Variants in SYT2 observed in about 807,000 individuals in gnomAD.
SYT2 encodes synaptotagmin 2.
SYT2 carries 15 observed loss-of-function variants against 39.9 expected under a neutral mutation model. The ratio of observed to expected loss-of-function variants is 0.38; its 90% CI spans 0.25 to 0.58. SYT2 has a LOEUF of 0.58. Among genes scored for constraint, SYT2 ranks in the 20% least tolerant of loss-of-function variants. The pLI, the probability that SYT2 is intolerant of heterozygous loss-of-function variation, is 0.70. For synonymous variants in SYT2, 181 were observed against 204.5 expected (o/e 0.89, Z 0.98); for missense variants, 389 against 530.3 (o/e 0.73, Z 2.62).
intron 1 of SYT2, among the ~76,000 whole-genome samples, chr1:202,689,813 AC>A (rs888678129): frequency 6.0e-5 from 9 of 151,022 alleles, no homozygotes; most frequent in South Asian, 2.1e-4. Flanking sequence ...CAGTGTAGAC[AC>A]CCCCACAAGG....
intron 1 of SYT2, among the ~76,000 whole-genome samples, chr1:202,700,373 C>G (rs1194131811): frequency 6.6e-6 from 1 of 152,212 alleles, no homozygotes; most frequent in Non-Finnish European, 1.5e-5. Flanking sequence ...ACTAAGCATT[C>G]ACTGTGTGCC....
At chr1:202,678,328 C>T (rs1356770504) in intron 1 of SYT2, among the ~76,000 whole-genome samples, 3 of 143,962 alleles carry the variant, frequency 2.1e-5, no homozygotes, top group Non-Finnish European at 3.0e-5. Flanking sequence ...GATGCTTGTA[C>T]TTTTCTGCTC....
At chr1:202,606,238 TTAGA>T (rs1439760678) in intron 1 of SYT2, among the ~76,000 whole-genome samples, 7 of 152,124 alleles carry the variant, frequency 4.6e-5, no homozygotes, top group Non-Finnish European at 8.8e-5. Context: ...TTCAGAGAGG[TTAGA>T]TAGTTTTTCC....
In SYT2 at chr1:202,628,870, G is replaced by A. The variant is rs1280949202; in HGVS notation, c.-17-23081C>T. 6.6e-6 allele frequency among the ~76,000 whole-genome samples: 1 copy of A among 152,254 alleles called. No individual in the cohort carries two copies. The highest frequency in any genetic ancestry group is 1.5e-5 in the Non-Finnish European group (1 of 68,046). On this transcript the variant is annotated intron_variant, in intron 1 of 8. Coordinates refer to ENST00000367268, the MANE Select transcript of SYT2 (RefSeq NM_177402.5). This position sits in a 1 kb window ranked among gnomAD's most constrained non-coding sequence, Gnocchi z 4.2. ...GGCTCTGGGCAGACTGACCTGGACT[G>A]GAGTCTCGGCTCTTTTAGCCATGGG...
At chr1:202,642,417 A>G (rs1691941780) in intron 1 of SYT2, among the ~76,000 whole-genome samples, 1 of 151,642 alleles carries the variant, frequency 6.6e-6, no homozygotes, top group African/African-American at 2.4e-5. Flanking sequence ...CATCATCCTG[A>G]GATTCAGAGA....
chr1:202,708,860 C>T lies in SYT2; in HGVS notation c.-18+1398G>A, dbSNP rs532348569. Among the ~76,000 whole-genome samples the T allele has an allele frequency of 5.3e-5, 8 of 152,328 alleles. No individual in the cohort carries two copies. The South Asian group carries it at 1.4e-3, about 28-fold the overall frequency. On this transcript the variant is annotated intron_variant, in intron 1 of 8. Coordinates refer to ENST00000367268, the MANE Select transcript of SYT2 (RefSeq NM_177402.5). ...CTGGTCACAGAGATGTTTCTAGCAG[C>T]CCCAAAGCTGGACTTAGTCTTAAGT...
chr1:202,671,762 C>T (rs1692593483), intron 1 of SYT2, among the ~76,000 whole-genome samples: 1 of 152,250 alleles, frequency 6.6e-6, no homozygotes, highest in Non-Finnish European at 1.5e-5. Context: ...GGCTTCTAAG[C>T]TGACTTCACT....
chr1:202,698,612 AC>A (rs1654034342), intron 1 of SYT2, among the ~76,000 whole-genome samples: 1 of 152,222 alleles, frequency 6.6e-6, no homozygotes, highest in East Asian at 1.9e-4. Flanking sequence ...GTCTAGGCAG[AC>A]AGTCCAGACT....
At chr1:202,658,041 C>T (rs1692310059) in intron 1 of SYT2, among the ~76,000 whole-genome samples, 1 of 152,046 alleles carries the variant, frequency 6.6e-6, no homozygotes, top group African/African-American at 2.4e-5. Flanking sequence ...CAGCTCTGCC[C>T]AGAGCTCATC....
intron 1 of SYT2, among the ~76,000 whole-genome samples, chr1:202,650,114 A>C (rs1274326484): frequency 6.6e-6 from 1 of 152,244 alleles, no homozygotes; most frequent in Non-Finnish European, 1.5e-5. Flanking sequence ...GAAGAGGAAA[A>C]GGGAATTGGG....
At chr1:202,687,033 C>T (rs1653685800) in intron 1 of SYT2, among the ~76,000 whole-genome samples, 1 of 152,100 alleles carries the variant, frequency 6.6e-6, no homozygotes, top group African/African-American at 2.4e-5. Flanking sequence ...CTTCTGTATT[C>T]AAATGACCTG....
Position 202,605,654 on chromosome 1 carries a change from T to C in SYT2, c.119A>G (p.Gln40Arg). The C allele has an allele frequency of 6.2e-7, 1 of 1,613,974 alleles. No individual in the cohort carries two copies. The highest frequency in any genetic ancestry group is 1.3e-5 in the African/African-American group (1 of 75,034). The stretch of plus-strand genomic sequence containing the variant: ...CTTCAGTTTGGCAAACATGTCCTCC[T>C]GGCTCTCCCCAGCACCCCCACTCTC... ...STESGGAGESQEDMFAKLKEK... is the reference protein window; with the variant it reads ...STESGGAGESREDMFAKLKEK... Residue 40 changes from glutamine to arginine, a missense_variant, in exon 2 of 9, where the codon CAG (glutamine) becomes CGG (arginine). Physicochemically the swap from Gln to Arg is conservative, Grantham distance 43. Around this residue, in one of 4 missense-constraint regions of SYT2, gnomAD observed 280 missense variants for 335.6 expected, o/e 0.83. Transcript: ENST00000367268.
intron 1 of SYT2, among the ~76,000 whole-genome samples, chr1:202,673,213 C>G (rs1350162344): frequency 1.3e-5 from 2 of 152,090 alleles, no homozygotes; most frequent in Non-Finnish European, 2.9e-5. Flanking sequence ...AATAAATCAT[C>G]TGAAAAGGGG....
At chr1:202,701,713 C>G (rs1654127607) in intron 1 of SYT2, among the ~76,000 whole-genome samples, 1 of 152,156 alleles carries the variant, frequency 6.6e-6, no homozygotes, top group African/African-American at 2.4e-5. Flanking sequence ...TGGCAAATAA[C>G]TTTATTGCCA....
At chr1:202,605,915 T>A in intron 1 of SYT2, 126 bp from the exon 2 acceptor site, 1 of 632,278 alleles carries the variant, frequency 1.6e-6, no homozygotes, top group Non-Finnish European at 2.8e-6. Flanking sequence ...TATTAACAAC[T>A]GTAGTAAACC....
chr1:202,673,343 G>A lies in SYT2; in HGVS notation c.-18+36915C>T, dbSNP rs189562509. Among the ~76,000 whole-genome samples the A allele has an allele frequency of 1.6e-3, 247 of 152,274 alleles. 3 individuals carry two copies. Among genetic ancestry groups the A allele is most frequent in the African/African-American group, 5.5e-3 (227 of 41,548 alleles). ...AAAGGTACGTGAAAATGGACCCAAC[G>A]ATATAATAAAATCATGGGCCTGGAC... On this transcript the variant is annotated intron_variant, in intron 1 of 8. Transcript: ENST00000367268.
chr1:202,626,290 G>A (rs1035270975), intron 1 of SYT2, among the ~76,000 whole-genome samples: 2 of 151,960 alleles, frequency 1.3e-5, no homozygotes, highest in African/African-American at 4.8e-5. Context: ...TGTCTCCAAA[G>A]GTGGCAAGAG....
intron 1 of SYT2, among the ~76,000 whole-genome samples, chr1:202,654,046 G>T (rs1020856006): frequency 6.6e-6 from 1 of 152,172 alleles, no homozygotes; most frequent in East Asian, 1.9e-4. Flanking sequence ...CTCCTCCCCA[G>T]GTCCCTCTAC....
At chr1:202,709,998 C>A (rs1032713416) in intron 1 of SYT2, among the ~76,000 whole-genome samples, 1 of 152,034 alleles carries the variant, frequency 6.6e-6, no homozygotes. Flanking sequence ...GGAAATCTGC[C>A]CCCAGCCCAG....
Sources: gnomAD v4.1 joint callset for allele counts (sites outside exome capture counted in the v4.1 genomes callset) on GRCh38, gnomAD v4.1.1 for gene constraint, gnomAD v4.1.1 regional missense constraint, Gnocchi (gnomAD v3.1) non-coding constraint, MANE v1.5 for transcripts, NCBI Gene and HGNC (gene_info 2026-07-23, HGNC 2026-07-21) for gene names.